Variants in MYOZ2 observed in about 807,000 individuals in gnomAD.
The protein encoded by MYOZ2 is myozenin-2.
MYOZ2 carries 19 observed loss-of-function variants against 25.4 expected under a neutral mutation model. The observed-to-expected ratio is 0.75, with a 90% CI of 0.52 to 1.10. The LOEUF (loss-of-function observed/expected upper bound fraction) is 1.10. MYOZ2 is among the 50% of genes least tolerant of loss of function. The probability of loss-of-function intolerance (pLI) is 0.00; values close to 1 mark genes in which losing one functional copy is unlikely to be tolerated. For missense variants in MYOZ2, 270 were observed against 317.9 expected (o/e 0.85, Z 1.15); for synonymous variants, 92 against 106.9 (o/e 0.86, Z 0.86).
At chr4:119,162,219 G>A (rs1232484100) in intron 4 of MYOZ2, among the ~76,000 whole-genome samples, 1 of 152,058 alleles carries the variant, frequency 6.6e-6, no homozygotes. Flanking sequence ...GGCATAAGGG[G>A]CACCCCAAGC....
chr4:119,148,127 G>C (rs1741350637), intron 2 of MYOZ2, among the ~76,000 whole-genome samples: 1 of 152,064 alleles, frequency 6.6e-6, no homozygotes, highest in South Asian at 2.1e-4. Flanking sequence ...ATGGGATTCT[G>C]GGTTGACAAT....
intron 4 of MYOZ2, among the ~76,000 whole-genome samples, chr4:119,161,085 T>C (rs891946409): frequency 6.6e-6 from 1 of 152,108 alleles, no homozygotes; most frequent in Middle Eastern, 3.2e-3. Context: ...TCCTCTGTCC[T>C]ACTTTTCACG....
At position 119,158,204 on chromosome 4, in the gene MYOZ2, A is replaced by G. The variant is rs1741627696; in HGVS notation, c.376+53A>G. On this transcript the variant is annotated intron_variant, in intron 4 of 5. Transcript: ENST00000307128. ...ATAAAATTTCTGTGTACCTAATGAT[A>G]TGACTCAAGGCATTTAAAGCCTTTA... 3 of 1,591,616 alleles carry G rather than the reference A, an allele frequency of 1.9e-6. No homozygotes were observed. The Admixed American group carries it at 5.0e-5, about 27-fold the overall frequency.
intron 2 of MYOZ2, 140 bp downstream of exon 2, chr4:119,136,741 T>C (rs534408480): frequency 1.2e-6 from 1 of 865,404 alleles, no homozygotes; most frequent in African/African-American, 1.7e-5. Context: ...CTAGGGGGTG[T>C]AGAAAAGCCT....
At chr4:119,182,051 C>A (rs1338592605) in intron 5 of MYOZ2, among the ~76,000 whole-genome samples, 1 of 146,442 alleles carries the variant, frequency 6.8e-6, no homozygotes, top group African/African-American at 2.8e-5. Flanking sequence ...TATTCAGAAG[C>A]TTTTGGGATT....
At chr4:119,166,414 G>C (rs2149225938) in intron 5 of MYOZ2, among the ~76,000 whole-genome samples, 1 of 151,998 alleles carries the variant, frequency 6.6e-6, no homozygotes, top group East Asian at 1.9e-4. Flanking sequence ...AGTGAGGCGA[G>C]AGGGTCGCTT....
intron 2 of MYOZ2, 22 bp from the exon 3 acceptor site, chr4:119,150,850 T>C: frequency 6.2e-7 from 1 of 1,609,554 alleles, no homozygotes. Context: ...GGATTTTTAC[T>C]CATATGAATA....
intron 4 of MYOZ2, among the ~76,000 whole-genome samples, chr4:119,158,473 T>G (rs1412217748): frequency 6.6e-6 from 1 of 152,020 alleles, no homozygotes; most frequent in African/African-American, 2.4e-5. Context: ...GGAGGATCAT[T>G]TGAGCCCAGG....
intron 5 of MYOZ2, among the ~76,000 whole-genome samples, chr4:119,168,822 C>G (rs1244729898): frequency 2.0e-5 from 3 of 152,144 alleles, no homozygotes; most frequent in Admixed American, 2.0e-4. Flanking sequence ...GTTGACATGA[C>G]AACAAATATT....
chr4:119,181,814 C>T (rs2149229795), intron 5 of MYOZ2, among the ~76,000 whole-genome samples: 2 of 152,172 alleles, frequency 1.3e-5, no homozygotes, highest in Middle Eastern at 6.8e-3. Context: ...AAAAAAAGAA[C>T]ATAAATTTAG....
In MYOZ2 at chr4:119,150,881, G is replaced by C; in HGVS notation, c.86G>C (p.Gly29Ala). The C allele has an allele frequency of 1.9e-6, 3 of 1,613,626 alleles. No homozygotes were observed. The highest frequency in any genetic ancestry group is 2.5e-6 in the Non-Finnish European group (3 of 1,179,660). ...GAATATTGTTTTACAGATGTTGATG[G>C]CATGGACCTGGGCAAAAAGGTCAGC... ...MKEVHGNDVD[G>A]MDLGKKVSIP... Residue 29 changes from glycine (G) to alanine (A), a missense_variant, in exon 3 of 6, where the codon GGC (glycine) becomes GCC (alanine). Coordinates refer to ENST00000307128, the MANE Select transcript of MYOZ2 (RefSeq NM_016599.5).
At chr4:119,179,257 T>G (rs1238823098) in intron 5 of MYOZ2, among the ~76,000 whole-genome samples, 2 of 152,202 alleles carry the variant, frequency 1.3e-5, no homozygotes, top group African/African-American at 4.8e-5. Flanking sequence ...TCTTACATAA[T>G]AGACTCCTTC....
intron 3 of MYOZ2, among the ~76,000 whole-genome samples, chr4:119,156,058 G>A (rs990304780): frequency 6.6e-6 from 1 of 152,062 alleles, no homozygotes; most frequent in Non-Finnish European, 1.5e-5. Context: ...TAACAAGCTA[G>A]TAAATGAAAC....
rs974552268 is a variant in MYOZ2 at position 119,186,380 on chromosome 4, T to C, written c.*180T>C. ...AATACTAATAAACAATTAGAAATCTTACTTTAAAAAACTTATAACTCACTT... is the reference window on the plus strand; with the variant it reads ...AATACTAATAAACAATTAGAAATCTCACTTTAAAAAACTTATAACTCACTT... On this transcript the variant is annotated 3_prime_UTR_variant, in exon 6 of 6. Coordinates refer to ENST00000307128, the MANE Select transcript of MYOZ2 (RefSeq NM_016599.5). 3.4e-6 allele frequency: 2 copies of C among 591,894 alleles called. No homozygotes were observed. The highest frequency in any genetic ancestry group is 6.6e-5 in the Admixed American group (2 of 30,466). 36.7% of individuals were successfully genotyped at this position (591,894 alleles called of 1,614,324 possible). A position where few individuals can be genotyped will look rare whatever the true frequency, so the allele number is the denominator to read the frequency against.
intron 5 of MYOZ2, among the ~76,000 whole-genome samples, chr4:119,169,545 T>A (rs1710797788): frequency 6.6e-6 from 1 of 152,234 alleles, no homozygotes; most frequent in Non-Finnish European, 1.5e-5. Context: ...AGTGAGTACT[T>A]GAGGCCAGGG....
chr4:119,170,975 A>C (rs899346716), intron 5 of MYOZ2, among the ~76,000 whole-genome samples: 1 of 152,216 alleles, frequency 6.6e-6, no homozygotes, highest in Non-Finnish European at 1.5e-5. Context: ...TGATTTTCCA[A>C]CTGAAATGAT....
At chr4:119,150,553 G>T (rs763167448) in intron 2 of MYOZ2, among the ~76,000 whole-genome samples, 1 of 151,792 alleles carries the variant, frequency 6.6e-6, no homozygotes, top group Non-Finnish European at 1.5e-5. Flanking sequence ...CATGCTATTT[G>T]CAAGCTCATT....
intron 2 of MYOZ2, among the ~76,000 whole-genome samples, chr4:119,143,387 G>A (rs891436710): frequency 6.6e-6 from 1 of 151,932 alleles, no homozygotes; most frequent in African/African-American, 2.4e-5. Flanking sequence ...GTAGAGATGC[G>A]GTTTCACCAC....
At chr4:119,182,031 C>T (rs543663612) in intron 5 of MYOZ2, among the ~76,000 whole-genome samples, 38 of 152,068 alleles carry the variant, frequency 2.5e-4, no homozygotes, top group African/African-American at 8.9e-4. Flanking sequence ...TCTGACCTAA[C>T]CTAATACAGT....
Sources: gnomAD v4.1 joint callset for allele counts (sites outside exome capture counted in the v4.1 genomes callset) on GRCh38, gnomAD v4.1.1 for gene constraint, MANE v1.5 for transcripts, NCBI Gene and HGNC (gene_info 2026-07-23, HGNC 2026-07-21) for gene names.